The following DGKI variants were observed in gnomAD, a reference collection of about 807,000 sequenced individuals.
The protein encoded by DGKI is DAG kinase iota.
DGKI carries 55 observed loss-of-function variants against 147.5 expected under a neutral mutation model. The observed-to-expected ratio is 0.37, with a 90% CI of 0.30 to 0.47. The LOEUF (loss-of-function observed/expected upper bound fraction) is 0.47, where lower values mean the gene tolerates loss of function less well. Ranked by LOEUF, DGKI falls within the 20% of genes least tolerant of loss-of-function variation. The probability of loss-of-function intolerance (pLI) is 1.00; values close to 1 mark genes in which losing one functional copy is unlikely to be tolerated. For missense variants in DGKI, 1,007 were observed against 1,323.8 expected, an observed-to-expected ratio of 0.76 and a Z score of 3.71; for synonymous variants, 469 against 477.1, an observed-to-expected ratio of 0.98 and a Z score of 0.22.
intron 1 of DGKI, among the ~76,000 whole-genome samples, chr7:137,742,458 C>G (rs1224137724): frequency 6.6e-6 from 1 of 152,158 alleles, no homozygotes; most frequent in Non-Finnish European, 1.5e-5. Flanking sequence ...GTGATCTAGC[C>G]TGGGACCCAC....
intron 10 of DGKI, among the ~76,000 whole-genome samples, chr7:137,607,849 G>A (rs1000580549): frequency 3.3e-5 from 5 of 152,188 alleles, no homozygotes; most frequent in African/African-American, 1.2e-4. Flanking sequence ...ACTCAAAAAT[G>A]CAGGACTTGA....
intron 1 of DGKI, among the ~76,000 whole-genome samples, chr7:137,704,149 T>G (rs1336038701): frequency 6.6e-6 from 1 of 152,176 alleles, no homozygotes; most frequent in African/African-American, 2.4e-5. Context: ...AGGCGGAGGT[T>G]GCAGTGAGCC....
intron 29 of DGKI, 87 bp downstream of exon 29, chr7:137,412,083 A>T: frequency 7.9e-7 from 1 of 1,270,778 alleles, no homozygotes; most frequent in Non-Finnish European, 1.1e-6. Context: ...GATAAATGAT[A>T]GATGGGAACA....
At position 137,420,279 on chromosome 7, in the gene DGKI, G is replaced by A. The variant is rs112577168; in HGVS notation, c.2762-8072C>T. On this transcript the variant is annotated intron_variant, in intron 28 of 32. Coordinates refer to ENST00000614521, the MANE Select transcript of DGKI (RefSeq NM_001321708.2). ...AGGTATCATTCCTGCTGAAGTCCACGTTTGCGCATATACAAGGAGAGAGAG... is the reference window on the plus strand; with the variant it reads ...AGGTATCATTCCTGCTGAAGTCCACATTTGCGCATATACAAGGAGAGAGAG... Among the ~76,000 whole-genome samples, 1,356 of 152,266 alleles carry A rather than the reference G, an allele frequency of 8.9e-3. 12 individuals carry two copies. Among genetic ancestry groups the A allele is most frequent in the African/African-American group, 0.031 (1,277 of 41,548 alleles).
intron 1 of DGKI, among the ~76,000 whole-genome samples, chr7:137,814,178 A>G (rs1381571345): frequency 6.6e-6 from 1 of 152,142 alleles, no homozygotes; most frequent in African/African-American, 2.4e-5. Context: ...CCACCCGGAG[A>G]GTAGGATGAC....
At chr7:137,741,406 C>T (rs1343517591) in intron 1 of DGKI, among the ~76,000 whole-genome samples, 1 of 152,134 alleles carries the variant, frequency 6.6e-6, no homozygotes, top group Non-Finnish European at 1.5e-5. Context: ...AGAGGGCATG[C>T]GAAAAACATT....
At chr7:137,518,076 G>T (rs975687895) in intron 21 of DGKI, among the ~76,000 whole-genome samples, 1 of 152,028 alleles carries the variant, frequency 6.6e-6, no homozygotes, top group African/African-American at 2.4e-5. Flanking sequence ...CCTACTTTGA[G>T]TCTGGTTTTA....
rs368143848 is a variant in DGKI at position 137,572,884 on chromosome 7, C to T, written c.1762-46G>A. The T allele has an allele frequency of 1.4e-5, 19 of 1,397,474 alleles. No homozygotes were observed. The African/African-American group carries it at 2.0e-4, about 15-fold the overall frequency. 86.6% of individuals were successfully genotyped at this position (1,397,474 alleles called of 1,614,324 possible). ...AAGGGGTTTTGAAGTAGTCACAAGTCTAAAAACCTATGAAAGATAACTAGT... is the reference window on the plus strand; with the variant it reads ...AAGGGGTTTTGAAGTAGTCACAAGTTTAAAAACCTATGAAAGATAACTAGT... On this transcript the variant is annotated intron_variant, in intron 17 of 32. Transcript: ENST00000614521.
chr7:137,549,403 C>T (rs916906192), intron 20 of DGKI, among the ~76,000 whole-genome samples: 3 of 152,122 alleles, frequency 2.0e-5, no homozygotes, highest in African/African-American at 2.4e-5. Context: ...ACAGCACTTA[C>T]GTCTCGAATA....
rs539500894 is a variant in DGKI at position 137,484,244 on chromosome 7, A to G, written c.2373+1130T>C. 7.9e-5 allele frequency among the ~76,000 whole-genome samples: 12 copies of G among 152,184 alleles called. No individual in the cohort carries two copies. In the East Asian group the frequency reaches 1.5e-3, roughly 20 times the overall value. ...ACAGAGGGTATCATTGGTAGGGGGA[A>G]TACCTAGAAGGCTACAAGATATAGG... On this transcript the variant is annotated intron_variant, in intron 23 of 32. Coordinates refer to ENST00000614521, the MANE Select transcript of DGKI (RefSeq NM_001321708.2).
intron 22 of DGKI, among the ~76,000 whole-genome samples, 200 bp downstream of exon 22, chr7:137,487,410 C>T (rs1394835380): frequency 1.3e-5 from 2 of 152,166 alleles, no homozygotes; most frequent in Non-Finnish European, 2.9e-5. Context: ...GTAGTCAATG[C>T]TTTCCCATTT....
intron 1 of DGKI, among the ~76,000 whole-genome samples, chr7:137,751,503 A>C (rs1040070303): frequency 6.6e-6 from 1 of 152,242 alleles, no homozygotes; most frequent in Non-Finnish European, 1.5e-5. Context: ...GTTCCTACAC[A>C]CGTTTCAGAC....
intron 25 of DGKI, among the ~76,000 whole-genome samples, chr7:137,466,436 C>G (rs958487969): frequency 3.9e-5 from 6 of 152,178 alleles, no homozygotes; most frequent in African/African-American, 1.4e-4. Flanking sequence ...GTACATTTTT[C>G]TCCTAGGAGA....
chr7:137,735,430 G>T (rs1040616952), intron 1 of DGKI, among the ~76,000 whole-genome samples: 2 of 151,998 alleles, frequency 1.3e-5, no homozygotes, highest in Admixed American at 6.6e-5. Flanking sequence ...GGAATCATCT[G>T]TCATATTTGG....
intron 23 of DGKI, among the ~76,000 whole-genome samples, chr7:137,471,984 CATT>C (rs1156579260): frequency 2.9e-5 from 4 of 135,946 alleles, no homozygotes; most frequent in African/African-American, 5.5e-5. Flanking sequence ...TGTATATATA[CATT>C]ATATTATATA....
intron 28 of DGKI, among the ~76,000 whole-genome samples, chr7:137,432,650 A>G (rs1367494007): frequency 6.6e-6 from 1 of 152,160 alleles, no homozygotes; most frequent in Non-Finnish European, 1.5e-5. Flanking sequence ...TTTGCTGAAG[A>G]CCTCATGGCT....
chr7:137,511,382 A>G (rs1436340660), intron 21 of DGKI, among the ~76,000 whole-genome samples: 1 of 152,240 alleles, frequency 6.6e-6, no homozygotes, highest in Non-Finnish European at 1.5e-5. Context: ...TGGCTTGGCA[A>G]TAATTCATCA....
chr7:137,576,468 T>C (rs1818980518), intron 17 of DGKI, among the ~76,000 whole-genome samples: 2 of 152,234 alleles, frequency 1.3e-5, no homozygotes, highest in African/African-American at 2.4e-5. Flanking sequence ...CATTTACTTA[T>C]ACGACTATGT....
chr7:137,536,645 A>C (rs1817530988), intron 20 of DGKI, among the ~76,000 whole-genome samples: 1 of 152,206 alleles, frequency 6.6e-6, no homozygotes, highest in South Asian at 2.1e-4. Flanking sequence ...CAGTTTTTAA[A>C]TATCTGAAAA....
Sources: gnomAD v4.1 joint callset for allele counts (sites outside exome capture counted in the v4.1 genomes callset) on GRCh38, gnomAD v4.1.1 for gene constraint, MANE v1.5 for transcripts, NCBI Gene and HGNC (gene_info 2026-07-23, HGNC 2026-07-21) for gene names.